RSPH14: variants seen among roughly 807,000 people sequenced by gnomAD.
RSPH14 encodes rhabdoid tumor deletion region gene 1.
A neutral mutation model predicts 26.7 loss-of-function variants in RSPH14; 20 were observed. That is an observed-to-expected ratio of 0.75 (90% confidence interval 0.53 to 1.09). The LOEUF is 1.09. Ranked by LOEUF, RSPH14 falls within the 50% of genes least tolerant of loss-of-function variation. The pLI, the probability that RSPH14 is intolerant of heterozygous loss-of-function variation, is 0.00. For synonymous variants in RSPH14, 177 were observed against 189.3 expected, an observed-to-expected ratio of 0.93 and a Z score of 0.53; for missense variants, 449 against 457.2, an observed-to-expected ratio of 0.98 and a Z score of 0.16.
intron 4 of RSPH14, among the ~76,000 whole-genome samples, chr22:23,113,851 G>C (rs1167924967): frequency 6.6e-6 from 1 of 152,244 alleles, no homozygotes; most frequent in Non-Finnish European, 1.5e-5. Context: ...CTGGGAAATG[G>C]AGATGGGCAG....
chr22:23,064,703 A>G (rs2068167081), intron 4 of RSPH14, among the ~76,000 whole-genome samples: 1 of 152,192 alleles, frequency 6.6e-6, no homozygotes, highest in East Asian at 1.9e-4. Context: ...CCCCAACTAA[A>G]GGTGACGGGA....
chr22:23,110,416 G>GC (rs1029858975), intron 4 of RSPH14, among the ~76,000 whole-genome samples: 6 of 152,166 alleles, frequency 3.9e-5, no homozygotes, highest in African/African-American at 1.4e-4. Flanking sequence ...CCACCAGGAG[G>GC]CCCACCCCAC....
chr22:23,177,930 G>C, the RSPH14 span, among the ~76,000 whole-genome samples: 2 of 152,168 alleles, frequency 1.3e-5, no homozygotes, highest in African/African-American at 4.8e-5. Context: ...CTCCTGAGCA[G>C]GTAGAACTAC....
At chr22:23,120,481 C>A (rs1455903009) in intron 4 of RSPH14, among the ~76,000 whole-genome samples, 1 of 152,170 alleles carries the variant, frequency 6.6e-6, no homozygotes, top group African/African-American at 2.4e-5. Flanking sequence ...GACCAGTACA[C>A]GTGAACTGTT....
intron 4 of RSPH14, among the ~76,000 whole-genome samples, chr22:23,081,821 CAAA>C (rs55713577): frequency 6.4e-5 from 3 of 46,746 alleles, no homozygotes; most frequent in Non-Finnish European, 1.1e-4. Context: ...GATTCCATCT[CAAA>C]AAAAAAAAAA....
chr22:23,174,364 A>ATT, the RSPH14 span, among the ~76,000 whole-genome samples: 1 of 152,010 alleles, frequency 6.6e-6, no homozygotes, highest in Non-Finnish European at 1.5e-5. Context: ...GGATTGCAAT[A>ATT]ATGCACTCCA....
At chr22:23,125,270 G>A in intron 4 of RSPH14, among the ~76,000 whole-genome samples, 1 of 152,026 alleles carries the variant, frequency 6.6e-6, no homozygotes, top group East Asian at 1.9e-4. Context: ...TGGTGTGGAG[G>A]TCTGGGGGTG....
chr22:23,098,346 C>G (rs2069184877), intron 4 of RSPH14, among the ~76,000 whole-genome samples: 1 of 152,270 alleles, frequency 6.6e-6, no homozygotes, highest in Admixed American at 6.5e-5. Flanking sequence ...CACCTGCTTA[C>G]TCCTCCATCT....
rs2070093988 is a variant in RSPH14 at position 23,123,615 on chromosome 22, A to G, written c.421+10411T>C. 8.4e-6 allele frequency: 5 copies of G among 598,006 alleles called. No homozygotes were observed. In the East Asian group the frequency reaches 1.4e-4, roughly 17 times the overall value. The allele number at this position is 598,006 out of a possible 1,614,324, so 37.0% of individuals were successfully genotyped here. A position where few individuals can be genotyped will look rare whatever the true frequency, so the allele number is the denominator to read the frequency against. ...CATAAATATTTACGGATAGATTGCTAGGTAGATAGACACACACACATGCAC... is the reference window on the plus strand; with the variant it reads ...CATAAATATTTACGGATAGATTGCTGGGTAGATAGACACACACACATGCAC... On this transcript the variant is annotated intron_variant, in intron 4 of 6. Coordinates refer to ENST00000216036, the MANE Select transcript of RSPH14 (RefSeq NM_014433.3).
At chr22:23,062,425 A>G (rs546728748) in intron 5 of RSPH14, among the ~76,000 whole-genome samples, 1 of 152,304 alleles carries the variant, frequency 6.6e-6, no homozygotes, top group Non-Finnish European at 1.5e-5. Context: ...AGTTGTGGAA[A>G]TGAGGATGAT....
the RSPH14 span, among the ~76,000 whole-genome samples, chr22:23,168,111 C>A: frequency 6.6e-6 from 1 of 152,188 alleles, no homozygotes; most frequent in East Asian, 1.9e-4. Flanking sequence ...CTGGAGCCCC[C>A]TTTCTGGCCC....
the RSPH14 span, among the ~76,000 whole-genome samples, chr22:23,157,328 G>A: frequency 1.3e-5 from 2 of 151,456 alleles, no homozygotes; most frequent in Non-Finnish European, 2.9e-5. Flanking sequence ...TCGGCTCACT[G>A]CAAGCTCCGC....
the RSPH14 span, among the ~76,000 whole-genome samples, chr22:23,173,010 T>C: frequency 5.7e-3 from 1 of 176 alleles, no homozygotes; most frequent in African/African-American, 0.038. Flanking sequence ...TTCAGAATAG[T>C]GTCTTTTCAT....
upstream of RSPH14, chr22:23,145,702 T>G: frequency 9.9e-7 from 1 of 1,014,298 alleles, no homozygotes; most frequent in Non-Finnish European, 1.4e-6. Flanking sequence ...GCGTCCTCAT[T>G]TCCGGAGCGC....
At chr22:23,166,094 C>T in the RSPH14 span, among the ~76,000 whole-genome samples, 10 of 134,660 alleles carry the variant, frequency 7.4e-5, no homozygotes, top group Admixed American at 8.7e-5. Context: ...TGCAGTGAGC[C>T]GAGATCTTGC....
At chr22:23,087,561 T>C (rs2068853079) in intron 4 of RSPH14, among the ~76,000 whole-genome samples, 1 of 152,218 alleles carries the variant, frequency 6.6e-6, no homozygotes. Flanking sequence ...GAGTAATTCA[T>C]GAAGAGCTGG....
intron 4 of RSPH14, among the ~76,000 whole-genome samples, chr22:23,081,947 A>C (rs1487887000): frequency 6.6e-6 from 1 of 151,528 alleles, no homozygotes; most frequent in East Asian, 2.0e-4. Flanking sequence ...AACACAGTGA[A>C]ACCTCATCTC....
the RSPH14 span, chr22:23,157,957 C>G: frequency 6.2e-7 from 1 of 1,613,800 alleles, no homozygotes. Context: ...CCTCGCCTGG[C>G]ACTGATTGGC....
intron 4 of RSPH14, among the ~76,000 whole-genome samples, chr22:23,076,545 G>A (rs1006558290): frequency 6.6e-6 from 1 of 152,194 alleles, no homozygotes; most frequent in Non-Finnish European, 1.5e-5. Flanking sequence ...ACCACCCTCA[G>A]GTGGATGCTA....
Sources: gnomAD v4.1 joint callset for allele counts (sites outside exome capture counted in the v4.1 genomes callset) on GRCh38, gnomAD v4.1.1 for gene constraint, MANE v1.5 for transcripts, NCBI Gene and HGNC (gene_info 2026-07-23, HGNC 2026-07-21) for gene names.